The following ATRNL1 variants were observed in gnomAD, a reference collection of about 807,000 sequenced individuals.
ATRNL1 encodes the protein attractin-like protein 1.
A neutral mutation model predicts 182.7 loss-of-function variants in ATRNL1; 95 were observed. That is an observed-to-expected ratio of 0.52 (90% CI 0.44 to 0.62). The LOEUF (loss-of-function observed/expected upper bound fraction) is 0.62. Among genes scored for constraint, ATRNL1 ranks in the 20% least tolerant of loss-of-function variants. The probability of loss-of-function intolerance (pLI) is 0.00; values close to 1 mark genes in which losing one functional copy is unlikely to be tolerated. For missense variants in ATRNL1, 1,471 were observed against 1,679.5 expected (o/e 0.88, Z 2.17); for synonymous variants, 576 against 568.3 (o/e 1.01, Z -0.19).
At chr10:115,461,184 ATATT>A (rs1272743591) in intron 21 of ATRNL1, among the ~76,000 whole-genome samples, 1 of 151,948 alleles carries the variant, frequency 6.6e-6, no homozygotes, top group Non-Finnish European at 1.5e-5. Flanking sequence ...GAAGTAATCT[ATATT>A]TATTTAAAAT....
chr10:115,871,348 T>G lies in ATRNL1; in HGVS notation c.4018+23357T>G, dbSNP rs557452631. ...AAGGCATATTTCCTTTTAGGACTTT[T>G]TTTTTTTTGCCATAGCCTTTCTCTT... On this transcript the variant is annotated intron_variant, in intron 28 of 28. Transcript: ENST00000355044. Among the ~76,000 whole-genome samples, 7 of 151,454 alleles carry G rather than the reference T, an allele frequency of 4.6e-5. No homozygotes were observed. In the South Asian group the frequency reaches 1.2e-3, roughly 27 times the overall value.
chr10:115,237,993 A>C (rs1242017661), intron 9 of ATRNL1, among the ~76,000 whole-genome samples: 2 of 152,170 alleles, frequency 1.3e-5, no homozygotes, highest in Non-Finnish European at 2.9e-5. Context: ...TCCAATAGAC[A>C]GTCCTTTCAT....
intron 8 of ATRNL1, among the ~76,000 whole-genome samples, chr10:115,172,824 A>G (rs1554885950): frequency 6.7e-6 from 1 of 148,396 alleles, no homozygotes; most frequent in Admixed American, 6.9e-5. Flanking sequence ...AAATTTCATA[A>G]TTACTGTTCT....
chr10:115,756,119 T>G (rs1346255715), intron 27 of ATRNL1, among the ~76,000 whole-genome samples: 1 of 152,290 alleles, frequency 6.6e-6, no homozygotes, highest in East Asian at 1.9e-4. Context: ...AAAAACCAGC[T>G]CCTCGATTCA....
chr10:115,235,454 G>T (rs117682766), intron 9 of ATRNL1, among the ~76,000 whole-genome samples: 2 of 151,790 alleles, frequency 1.3e-5, no homozygotes, highest in Non-Finnish European at 1.5e-5. Flanking sequence ...GTCTAATCTG[G>T]ATATTTTGTA....
intron 27 of ATRNL1, among the ~76,000 whole-genome samples, chr10:115,836,002 C>T (rs1555095304): frequency 6.6e-6 from 1 of 152,208 alleles, no homozygotes; most frequent in African/African-American, 2.4e-5. Context: ...CAATGAACCT[C>T]CTGCACACAT....
intron 18 of ATRNL1, among the ~76,000 whole-genome samples, chr10:115,332,515 A>T (rs1346683338): frequency 1.3e-5 from 2 of 152,228 alleles, no homozygotes; most frequent in African/African-American, 4.8e-5. Flanking sequence ...TGTCATGAAC[A>T]TTATTCCTTG....
chr10:115,460,802 A>T (rs182914445), intron 21 of ATRNL1, among the ~76,000 whole-genome samples: 10 of 152,256 alleles, frequency 6.6e-5, no homozygotes, highest in African/African-American at 1.7e-4. Flanking sequence ...ATGTTCATTC[A>T]GTAGAGTATT....
chr10:115,268,321 T>G lies in ATRNL1; in HGVS notation c.1982-5T>G, dbSNP rs1375589598. Reference sequence around the variant, plus strand: ...CTGATATATCGTCCCCCATTTGTATTATAGCTGCTTCTGATGACAGATGTT... The same window carrying G: ...CTGATATATCGTCCCCCATTTGTATGATAGCTGCTTCTGATGACAGATGTT... On this transcript the variant is annotated splice_region_variant and splice_polypyrimidine_tract_variant and intron_variant, in intron 12 of 28. Coordinates refer to ENST00000355044, the MANE Select transcript of ATRNL1 (RefSeq NM_207303.4). The G allele has an allele frequency of 6.4e-7, 1 of 1,569,790 alleles. No homozygotes were observed. Among genetic ancestry groups the G allele is most frequent in the Admixed American group, 1.7e-5 (1 of 59,844 alleles).
intron 19 of ATRNL1, among the ~76,000 whole-genome samples, chr10:115,387,684 G>A (rs1168431845): frequency 6.6e-6 from 1 of 152,106 alleles, no homozygotes; most frequent in African/African-American, 2.4e-5. Flanking sequence ...ATTGAATCAT[G>A]TAATATGTAA....
chr10:115,200,580 G>A (rs1189686019), intron 8 of ATRNL1, among the ~76,000 whole-genome samples: 1 of 144,096 alleles, frequency 6.9e-6, no homozygotes, highest in Admixed American at 6.9e-5. Context: ...TGGCTGCATA[G>A]TATTCCATGG....
rs774719519 is a variant in ATRNL1, at chr10:115,651,119, G to A, written c.3796-76129G>A. Among the ~76,000 whole-genome samples the A allele has an allele frequency of 1.1e-4, 16 of 152,210 alleles. No individual in the cohort carries two copies. In the Middle Eastern group the frequency reaches 0.02, roughly 194 times the overall value. ...AAGCCCTTATTCAGCTATTGGCCACGACTTAGTTTATAAGGGGAGATCAAT... is the reference window on the plus strand; with the variant it reads ...AAGCCCTTATTCAGCTATTGGCCACAACTTAGTTTATAAGGGGAGATCAAT... On this transcript the variant is annotated intron_variant, in intron 26 of 28. Transcript: ENST00000355044.
At chr10:115,885,269 G>A (rs782625424) in intron 28 of ATRNL1, among the ~76,000 whole-genome samples, 98 of 152,308 alleles carry the variant, frequency 6.4e-4, no homozygotes, top group Non-Finnish European at 7.5e-4. Context: ...TGTATAGCAT[G>A]TCAAGAATTG....
At chr10:115,532,441 T>C (rs1851653323) in intron 25 of ATRNL1, among the ~76,000 whole-genome samples, 1 of 152,166 alleles carries the variant, frequency 6.6e-6, no homozygotes. Context: ...GTTATTAGTG[T>C]ATAAGAATGC....
intron 21 of ATRNL1, among the ~76,000 whole-genome samples, chr10:115,433,025 A>T (rs1315125727): frequency 6.6e-6 from 1 of 151,948 alleles, no homozygotes; most frequent in African/African-American, 2.4e-5. Context: ...CAATGCTCAC[A>T]CCCCTAATTA....
chr10:115,230,913 G>GAAAGAGAGAGAA (rs1243142622), intron 9 of ATRNL1, among the ~76,000 whole-genome samples: 16 of 117,670 alleles, frequency 1.4e-4, no homozygotes, highest in African/African-American at 5.3e-4. Flanking sequence ...GAGAGAGAGA[G>GAAAGAGAGAGAA]AGAGAGAGAA....
At chr10:115,530,794 A>C (rs1851530382) in intron 25 of ATRNL1, among the ~76,000 whole-genome samples, 2 of 101,446 alleles carry the variant, frequency 2.0e-5, no homozygotes, top group South Asian at 3.9e-4. Flanking sequence ...CCACCCCACA[A>C]CAGTCCCCAG....
intron 26 of ATRNL1, among the ~76,000 whole-genome samples, chr10:115,581,398 C>A (rs1855065824): frequency 6.6e-6 from 1 of 152,080 alleles, no homozygotes. Context: ...TTACCTCTTA[C>A]TCAATCTGCA....
chr10:115,265,574 C>T (rs1386385181), intron 11 of ATRNL1, among the ~76,000 whole-genome samples: 2 of 151,588 alleles, frequency 1.3e-5, no homozygotes, highest in African/African-American at 4.8e-5. Flanking sequence ...TAAGGAATGA[C>T]TCTTCTTTTA....
Sources: gnomAD v4.1 joint callset for allele counts (sites outside exome capture counted in the v4.1 genomes callset) on GRCh38, gnomAD v4.1.1 for gene constraint, MANE v1.5 for transcripts, NCBI Gene and HGNC (gene_info 2026-07-23, HGNC 2026-07-21) for gene names.